The following SNX30 variants were observed in gnomAD, a reference collection of about 807,000 sequenced individuals.
The protein encoded by SNX30 is sorting nexin-30.
In SNX30, 24 loss-of-function variants were observed where a neutral mutation model predicts 46.4. That is an observed-to-expected ratio of 0.52 (90% CI 0.37 to 0.73). SNX30 has a LOEUF of 0.73. SNX30 is among the 30% of genes least tolerant of loss of function. The pLI, the probability that SNX30 is intolerant of heterozygous loss-of-function variation, is 0.00. For synonymous variants in SNX30, 189 were observed against 211.5 expected (o/e 0.89, Z 0.92); for missense variants, 533 against 555.7 (o/e 0.96, Z 0.41).
At chr9:112,865,730 TACAC>T (rs1419288768) in intron 8 of SNX30, among the ~76,000 whole-genome samples, 1 of 142,320 alleles carries the variant, frequency 7.0e-6, no homozygotes, top group Non-Finnish European at 1.5e-5. Flanking sequence ...CATACATACA[TACAC>T]ACATGAGTGA....
At chr9:112,829,004 A>G (rs2131441576) in intron 3 of SNX30, among the ~76,000 whole-genome samples, 1 of 152,274 alleles carries the variant, frequency 6.6e-6, no homozygotes, top group Middle Eastern at 3.4e-3. Context: ...GAATGGAATC[A>G]TATATATGGA....
At chr9:112,817,142 CCCCCG>C in intron 2 of SNX30, among the ~76,000 whole-genome samples, 1 of 152,120 alleles carries the variant, frequency 6.6e-6, no homozygotes, top group South Asian at 2.1e-4. Context: ...ATCTAATCTG[CCCCCG>C]AAATGAGCAG....
At chr9:112,858,893 GC>G (rs1195439379) in intron 7 of SNX30, among the ~76,000 whole-genome samples, 2 of 151,984 alleles carry the variant, frequency 1.3e-5, no homozygotes, top group East Asian at 3.9e-4. Flanking sequence ...GCCTCCCTCA[GC>G]CCCACCTTTC....
At chr9:112,831,021 C>A in intron 4 of SNX30, 138 bp downstream of exon 4, 1 of 857,446 alleles carries the variant, frequency 1.2e-6, no homozygotes, top group Non-Finnish European at 1.7e-6. Context: ...GCCTGTAGTC[C>A]CAGCTACCTG....
chr9:112,805,010 G>T, intron 2 of SNX30, 43 bp downstream of exon 2: 1 of 1,477,938 alleles, frequency 6.8e-7, no homozygotes, highest in Non-Finnish European at 9.1e-7. Context: ...AGTGGTCTCG[G>T]GGAATTGGGG....
chr9:112,869,308 G>A lies in SNX30; in HGVS notation c.*465G>A, dbSNP rs975646875. On this transcript the variant is annotated 3_prime_UTR_variant, in exon 9 of 9. Transcript: ENST00000374232. The stretch of plus-strand genomic sequence containing the variant: ...GGCCCCTCTGGAATTGGCCTCTGTG[G>A]GCATTGACTCGTCTTGGCCTAGGAG... The A allele has an allele frequency of 1.0e-5, 2 of 199,294 alleles. No homozygotes were observed. The highest frequency in any genetic ancestry group is 2.1e-5 in the Non-Finnish European group (2 of 95,454). 12.3% of individuals were successfully genotyped at this position (199,294 alleles called of 1,614,324 possible).
downstream of SNX30, chr9:112,877,197 C>T (rs1205954735): frequency 6.6e-6 from 1 of 152,122 alleles, no homozygotes; most frequent in Admixed American, 6.5e-5. Flanking sequence ...GAAAAGCTGA[C>T]AAGGTTTGAA....
chr9:112,782,358 G>C (rs1055372149), intron 1 of SNX30, among the ~76,000 whole-genome samples: 1 of 152,188 alleles, frequency 6.6e-6, no homozygotes, highest in African/African-American at 2.4e-5. Flanking sequence ...GAGCCACCAT[G>C]CCCTGCCATA....
rs140268080 is a variant in SNX30, at chr9:112,768,263, G to A, written c.156+17106G>A. Among the ~76,000 whole-genome samples, 7 of 152,198 alleles carry A rather than the reference G, an allele frequency of 4.6e-5. No individual in the cohort carries two copies. The South Asian group carries it at 1.0e-3, about 23-fold the overall frequency. On this transcript the variant is annotated intron_variant, in intron 1 of 8. Transcript: ENST00000374232. ...CATGCGAATTCTTGCTTTCCCACCC[G>A]TGCTAAGCTCATCCTCCTCTCGATG...
intron 1 of SNX30, among the ~76,000 whole-genome samples, chr9:112,769,182 T>G (rs1839603641): frequency 6.6e-6 from 1 of 152,322 alleles, no homozygotes; most frequent in East Asian, 1.9e-4. Context: ...TTCTTTTCTG[T>G]TTGTGTCTGT....
rs759012933 is a variant in SNX30 at position 112,838,569 on chromosome 9, G to A, written c.886G>A (p.Glu296Lys). Residue 296 changes from glutamate (E) to lysine (K), a missense_variant, in exon 6 of 9, where the codon GAA becomes AAA. Around this residue, in one of 3 missense-constraint regions of SNX30, gnomAD observed 261 missense variants for 270.9 expected, o/e 0.96. Coordinates refer to ENST00000374232, the MANE Select transcript of SNX30 (RefSeq NM_001012994.2). ...GAGCGCCTTGGAGGGTGAGCTGGCT[G>A]AACCCCTGGAGGGTGTGTCAGCTTG... ...TWSALEGELA[E>K]PLEGVSACIG... 69 of 1,614,038 alleles carry A rather than the reference G, an allele frequency of 4.3e-5. No homozygotes were observed. The highest frequency in any genetic ancestry group is 1.7e-4 in the Admixed American group (10 of 60,004).
chr9:112,844,243 T>C (rs1840903250), intron 6 of SNX30, among the ~76,000 whole-genome samples: 1 of 152,170 alleles, frequency 6.6e-6, no homozygotes, highest in African/African-American at 2.4e-5. Context: ...GCTGGGTGGA[T>C]CGCAGTACTG....
chr9:112,830,139 A>G (rs1047145909), intron 3 of SNX30, among the ~76,000 whole-genome samples: 3 of 152,208 alleles, frequency 2.0e-5, no homozygotes, highest in African/African-American at 7.2e-5. Flanking sequence ...AGTCAGTATA[A>G]TAGAGAAATG....
intron 1 of SNX30, among the ~76,000 whole-genome samples, chr9:112,767,477 T>G (rs544295063): frequency 4.1e-4 from 63 of 152,350 alleles, no homozygotes; most frequent in Non-Finnish European, 7.5e-4. Context: ...GCTTTTGATA[T>G]CATATCTATT....
intron 2 of SNX30, among the ~76,000 whole-genome samples, chr9:112,812,694 T>C (rs1197917977): frequency 1.3e-5 from 2 of 152,096 alleles, no homozygotes; most frequent in East Asian, 3.8e-4. Context: ...ACTATAAAAA[T>C]AGTGTATGAG....
At chr9:112,761,310 A>C (rs906280016) in intron 1 of SNX30, among the ~76,000 whole-genome samples, 7 of 152,056 alleles carry the variant, frequency 4.6e-5, no homozygotes, top group African/African-American at 1.7e-4. Flanking sequence ...TTACAGGTGC[A>C]TGCCACCACG....
At position 112,817,686 on chromosome 9, in the gene SNX30, T is replaced by C; in HGVS notation, c.349-19T>C. ...TGCTATTCCCTTATGCTTATTTTTTTCCATTCTCTTCTTTGCAGAGTACTC... is the reference window on the plus strand; with the variant it reads ...TGCTATTCCCTTATGCTTATTTTTTCCCATTCTCTTCTTTGCAGAGTACTC... On this transcript the variant is annotated intron_variant, in intron 2 of 8. Coordinates refer to ENST00000374232, the MANE Select transcript of SNX30 (RefSeq NM_001012994.2). 6.9e-7 allele frequency: 1 copy of C among 1,442,742 alleles called. No individual in the cohort carries two copies. The highest frequency in any genetic ancestry group is 1.1e-5 in the South Asian group (1 of 87,328). The allele number at this position is 1,442,742 out of a possible 1,614,324, so 89.4% of individuals were successfully genotyped here.
At chr9:112,883,678 CT>C, downstream of SNX30, among the ~76,000 whole-genome samples, 1 of 143,288 alleles carries the variant, frequency 7.0e-6, no homozygotes, top group Non-Finnish European at 1.5e-5. Context: ...CTTCTCTTTT[CT>C]GTTTTTTTCT....
chr9:112,848,138 A>G (rs1407819731), intron 6 of SNX30, among the ~76,000 whole-genome samples: 1 of 152,064 alleles, frequency 6.6e-6, no homozygotes, highest in Non-Finnish European at 1.5e-5. Flanking sequence ...GATGTGTCAT[A>G]TCAATGGGAT....
Sources: allele counts gnomAD v4.1 joint callset (sites outside exome capture counted in the v4.1 genomes callset), GRCh38; gene constraint gnomAD v4.1.1; regional missense constraint gnomAD v4.1.1; transcripts MANE v1.5; gene names NCBI Gene and HGNC (gene_info 2026-07-23, HGNC 2026-07-21).